CADPS2: variants seen among roughly 807,000 people sequenced by gnomAD.
CADPS2 encodes the protein calcium-dependent secretion activator 2.
A neutral mutation model predicts 172.5 loss-of-function variants in CADPS2; 93 were observed. That is an observed-to-expected ratio of 0.54 (90% CI 0.46 to 0.64). CADPS2 has a LOEUF of 0.64. CADPS2 is among the 30% of genes least tolerant of loss of function. CADPS2 has a pLI of 0.00. For missense variants in CADPS2, 1,420 were observed against 1,565.9 expected, an observed-to-expected ratio of 0.91 and a Z score of 1.57; for synonymous variants, 546 against 555.2, an observed-to-expected ratio of 0.98 and a Z score of 0.23.
intron 1 of CADPS2, among the ~76,000 whole-genome samples, chr7:122,813,013 T>A (rs1042687577): frequency 6.6e-6 from 1 of 152,146 alleles, no homozygotes; most frequent in Non-Finnish European, 1.5e-5. Flanking sequence ...TGGTGATATA[T>A]CCAATATGGG....
chr7:122,587,429 T>TG (rs1207399159), intron 6 of CADPS2, among the ~76,000 whole-genome samples: 1 of 152,094 alleles, frequency 6.6e-6, no homozygotes, highest in African/African-American at 2.4e-5. Flanking sequence ...TCCATGTCCC[T>TG]GCAAAGGACA....
At chr7:122,648,416 T>C (rs1326667698) in intron 3 of CADPS2, among the ~76,000 whole-genome samples, 2 of 152,084 alleles carry the variant, frequency 1.3e-5, no homozygotes, top group African/African-American at 4.8e-5. Flanking sequence ...AATCTCGACA[T>C]GGACAATCAA....
intron 6 of CADPS2, among the ~76,000 whole-genome samples, chr7:122,584,681 A>G (rs1389357780): frequency 6.6e-6 from 1 of 151,952 alleles, no homozygotes; most frequent in Non-Finnish European, 1.5e-5. Context: ...CCGGGCAAGC[A>G]TTTGTGACTA....
At chr7:122,575,355 C>A (rs960563346) in intron 7 of CADPS2, among the ~76,000 whole-genome samples, 16 of 151,648 alleles carry the variant, frequency 1.1e-4, no homozygotes, top group African/African-American at 3.9e-4. Flanking sequence ...ATTTCTGAAT[C>A]AATATTAAAT....
At chr7:122,734,377 A>G (rs978267992) in intron 2 of CADPS2, among the ~76,000 whole-genome samples, 5 of 95,914 alleles carry the variant, frequency 5.2e-5, no homozygotes, top group Middle Eastern at 6.8e-3. Context: ...AAAAAAAAAA[A>G]AAAAAAAAAG....
intron 18 of CADPS2, among the ~76,000 whole-genome samples, chr7:122,415,290 G>A (rs909018239): frequency 2.6e-5 from 4 of 152,006 alleles, no homozygotes; most frequent in Non-Finnish European, 2.9e-5. Flanking sequence ...CCCCTTCCAC[G>A]TTAACTTACA....
chr7:122,627,846 A>G (rs1364123001), intron 4 of CADPS2, among the ~76,000 whole-genome samples: 1 of 152,168 alleles, frequency 6.6e-6, no homozygotes, highest in East Asian at 1.9e-4. Flanking sequence ...GGCTCAATAC[A>G]GGATAGGACT....
At chr7:122,852,320 T>A (rs1813879859) in intron 1 of CADPS2, among the ~76,000 whole-genome samples, 2 of 152,232 alleles carry the variant, frequency 1.3e-5, no homozygotes, top group South Asian at 4.1e-4. Context: ...TAGACATTGT[T>A]CTATGAACAA....
chr7:122,496,691 TTTCA>T (rs1207244653), intron 9 of CADPS2, among the ~76,000 whole-genome samples: 1 of 152,174 alleles, frequency 6.6e-6, no homozygotes, highest in Non-Finnish European at 1.5e-5. Context: ...TTTAAATTAA[TTTCA>T]TTGTTATCAG....
intron 14 of CADPS2, among the ~76,000 whole-genome samples, chr7:122,469,275 T>C (rs982662850): frequency 6.6e-6 from 1 of 152,212 alleles, no homozygotes; most frequent in Non-Finnish European, 1.5e-5. Context: ...GTTCCCAATT[T>C]AATTTTACCT....
chr7:122,410,365 C>A (rs1185012655), intron 19 of CADPS2, among the ~76,000 whole-genome samples: 1 of 149,908 alleles, frequency 6.7e-6, no homozygotes, highest in African/African-American at 2.5e-5. Flanking sequence ...AAAACAAAAA[C>A]AAAAACAAAA....
chr7:122,704,783 G>T (rs1327695387), intron 2 of CADPS2, among the ~76,000 whole-genome samples: 1 of 151,960 alleles, frequency 6.6e-6, no homozygotes, highest in Non-Finnish European at 1.5e-5. Context: ...TTTTCAACTT[G>T]GGGGCAATTT....
chr7:122,525,183 T>C (rs935013071), intron 8 of CADPS2, among the ~76,000 whole-genome samples: 44 of 152,138 alleles, frequency 2.9e-4, no homozygotes, highest in African/African-American at 1.0e-3. Context: ...AAAATTTTGA[T>C]CATAATCTCC....
At chr7:122,770,765 G>C (rs943434904) in intron 1 of CADPS2, among the ~76,000 whole-genome samples, 11 of 152,170 alleles carry the variant, frequency 7.2e-5, no homozygotes, top group Non-Finnish European at 1.6e-4. Context: ...GGGCAGATGT[G>C]GACAGCAACC....
intron 25 of CADPS2, chr7:122,379,141 C>G (rs1220708930): frequency 2.7e-6 from 1 of 366,630 alleles, no homozygotes; most frequent in Admixed American, 4.4e-5. Flanking sequence ...TTTAAAATGA[C>G]AACAATTGTA....
chr7:122,796,805 T>C (rs1340747206), intron 1 of CADPS2, among the ~76,000 whole-genome samples: 1 of 149,590 alleles, frequency 6.7e-6, no homozygotes, highest in African/African-American at 2.5e-5. Context: ...GAAAGAGCAA[T>C]GGGCAATGAT....
intron 9 of CADPS2, among the ~76,000 whole-genome samples, chr7:122,499,700 G>C (rs2130318725): frequency 6.6e-6 from 1 of 152,246 alleles, no homozygotes; most frequent in East Asian, 1.9e-4. Flanking sequence ...TATGACGATG[G>C]GGTTAGGGTA....
chr7:122,792,492 A>T (rs1004697214), intron 1 of CADPS2, among the ~76,000 whole-genome samples: 7 of 152,144 alleles, frequency 4.6e-5, no homozygotes, highest in Non-Finnish European at 1.0e-4. Flanking sequence ...AGCCTCCAGA[A>T]CTGTTAGAAA....
intron 15 of CADPS2, among the ~76,000 whole-genome samples, chr7:122,443,929 A>G (rs945965506): frequency 3.0e-4 from 46 of 152,182 alleles, no homozygotes; most frequent in African/African-American, 1.1e-3. Context: ...TTAAGTTTTG[A>G]CATATGCATA....
Sources: gnomAD v4.1 joint callset for allele counts (sites outside exome capture counted in the v4.1 genomes callset) on GRCh38, gnomAD v4.1.1 for gene constraint, MANE v1.5 for transcripts, NCBI Gene and HGNC (gene_info 2026-07-23, HGNC 2026-07-21) for gene names.